UTS2B: variants seen among roughly 807,000 people sequenced by gnomAD.
UTS2B encodes urotensin 2B.
In UTS2B, 21 loss-of-function variants were observed where a neutral mutation model predicts 19.2. The ratio of observed to expected loss-of-function variants is 1.09; its 90% CI spans 0.78 to 1.58. The LOEUF (loss-of-function observed/expected upper bound fraction) is 1.58, where lower values mean the gene tolerates loss of function less well. Among genes scored for constraint, UTS2B ranks in the 40% most tolerant of loss-of-function variants. UTS2B has a pLI of 0.00. For missense variants in UTS2B, 138 were observed against 130.3 expected (o/e 1.06, Z -0.29); for synonymous variants, 57 against 50.2 (o/e 1.14, Z -0.58).
At chr3:191,291,300 T>G (rs566846528) in intron 4 of UTS2B, among the ~76,000 whole-genome samples, 1 of 152,150 alleles carries the variant, frequency 6.6e-6, no homozygotes, top group Non-Finnish European at 1.5e-5. Flanking sequence ...ACAAAGGGTT[T>G]TATTTGAAAA....
intron 4 of UTS2B, among the ~76,000 whole-genome samples, chr3:191,300,208 C>A (rs937551955): frequency 6.6e-6 from 1 of 152,102 alleles, no homozygotes; most frequent in Non-Finnish European, 1.5e-5. Flanking sequence ...CACCACCATG[C>A]CTGGCTAATT....
At chr3:191,309,655 A>G (rs1182185662) in intron 3 of UTS2B, among the ~76,000 whole-genome samples, 1 of 152,144 alleles carries the variant, frequency 6.6e-6, no homozygotes, top group African/African-American at 2.4e-5. Flanking sequence ...CAGAGTTCTC[A>G]TGAATGGATT....
chr3:191,274,091 C>T (rs981654702), intron 8 of UTS2B, among the ~76,000 whole-genome samples: 8 of 150,522 alleles, frequency 5.3e-5, no homozygotes, highest in Non-Finnish European at 8.9e-5. Flanking sequence ...AGTGAAACTC[C>T]GTCTCAAAGA....
At chr3:191,317,522 C>G (rs1301642604) in intron 2 of UTS2B, among the ~76,000 whole-genome samples, 1 of 152,210 alleles carries the variant, frequency 6.6e-6, no homozygotes, top group Non-Finnish European at 1.5e-5. Flanking sequence ...GCGCTGAGAG[C>G]GAGCGACGGC....
At chr3:191,295,152 C>A (rs1337213371) in intron 4 of UTS2B, among the ~76,000 whole-genome samples, 2 of 151,998 alleles carry the variant, frequency 1.3e-5, no homozygotes, top group Non-Finnish European at 2.9e-5. Flanking sequence ...TCTTTCCATC[C>A]CATTCAGGCC....
chr3:191,344,571 TTTTGTTTG>T, the UTS2B span, among the ~76,000 whole-genome samples: 2 of 152,098 alleles, frequency 1.3e-5, no homozygotes, highest in Non-Finnish European at 2.9e-5. Flanking sequence ...TGTCATTTCC[TTTTGTTTG>T]TTTGTTTGTT....
At chr3:191,339,278 T>C in the UTS2B span, among the ~76,000 whole-genome samples, 2 of 152,192 alleles carry the variant, frequency 1.3e-5, no homozygotes, top group African/African-American at 2.4e-5. Flanking sequence ...CAGGTTCATA[T>C]GGTGTATTAG....
chr3:191,306,659 C>G (rs147461086), intron 3 of UTS2B, among the ~76,000 whole-genome samples: 1 of 152,106 alleles, frequency 6.6e-6, no homozygotes, highest in Non-Finnish European at 1.5e-5. Context: ...TTGTTTGAGA[C>G]GGAGTCTCTT....
At chr3:191,278,024 A>G in intron 6 of UTS2B, 48 bp downstream of exon 6, 4 of 997,200 alleles carry the variant, frequency 4.0e-6, no homozygotes, top group Non-Finnish European at 5.8e-6. Context: ...AAGACAAAAT[A>G]AATTGTTATT....
intron 5 of UTS2B, among the ~76,000 whole-genome samples, chr3:191,281,264 T>C: frequency 6.6e-6 from 1 of 152,126 alleles, no homozygotes; most frequent in South Asian, 2.1e-4. Context: ...AGCAAGAATT[T>C]CAGGCTGGAA....
chr3:191,300,629 TTC>T (rs1716973863), intron 4 of UTS2B, among the ~76,000 whole-genome samples: 1 of 152,168 alleles, frequency 6.6e-6, no homozygotes, highest in Non-Finnish European at 1.5e-5. Context: ...CATGGTTTGG[TTC>T]TGTGCCCTCA....
intron 4 of UTS2B, among the ~76,000 whole-genome samples, chr3:191,301,483 A>ATT (rs750203551): frequency 0.33 from 37,282 of 113,806 alleles, 6,287 homozygotes; most frequent in East Asian, 0.47. Context: ...ATTTTTGGTA[A>ATT]TTTTTTTTTT....
chr3:191,294,728 T>A (rs1383070669), intron 4 of UTS2B: 5 of 144,778 alleles, frequency 3.5e-5, no homozygotes, highest in South Asian at 2.2e-4. Flanking sequence ...CAAGTATCAC[T>A]AAAAAAAAAA....
At chr3:191,309,276 C>T (rs964385460) in intron 3 of UTS2B, among the ~76,000 whole-genome samples, 2 of 152,156 alleles carry the variant, frequency 1.3e-5, no homozygotes, top group Non-Finnish European at 2.9e-5. Context: ...ATTCTCCTGC[C>T]TCAGCCTCCC....
intron 2 of UTS2B, among the ~76,000 whole-genome samples, chr3:191,325,057 A>G (rs1298308881): frequency 2.2e-5 from 3 of 136,230 alleles, no homozygotes; most frequent in East Asian, 2.0e-4. Context: ...CTCAGGAAAA[A>G]AAAATAATAT....
intron 6 of UTS2B, 97 bp from the exon 7 acceptor site, chr3:191,276,941 G>C: frequency 9.2e-7 from 1 of 1,083,558 alleles, no homozygotes; most frequent in Non-Finnish European, 1.3e-6. Flanking sequence ...GAAAGCATAG[G>C]TCTTTTTCAT....
intron 4 of UTS2B, among the ~76,000 whole-genome samples, chr3:191,288,221 C>T (rs554288364): frequency 1.6e-3 from 237 of 152,140 alleles, no homozygotes; most frequent in African/African-American, 5.2e-3. Context: ...ATAGCTTCAC[C>T]GCAATCTCTT....
intron 2 of UTS2B, among the ~76,000 whole-genome samples, chr3:191,324,057 C>T (rs1024015663): frequency 6.6e-6 from 1 of 152,152 alleles, no homozygotes; most frequent in Non-Finnish European, 1.5e-5. Flanking sequence ...GTGATTGGGT[C>T]ATGAGAGCTC....
chr3:191,328,533 G>A (rs1169257610), intron 2 of UTS2B, 98 bp downstream of exon 2: 2 of 152,260 alleles, frequency 1.3e-5, no homozygotes, highest in Non-Finnish European at 2.9e-5. Context: ...TGGTCACCCA[G>A]CCACCCTTCG....
Sources: allele counts gnomAD v4.1 joint callset (sites outside exome capture counted in the v4.1 genomes callset), GRCh38; gene constraint gnomAD v4.1.1; transcripts MANE v1.5; gene names NCBI Gene and HGNC (gene_info 2026-07-23, HGNC 2026-07-21).